The following LIFR variants were observed in gnomAD, a reference collection of about 807,000 sequenced individuals.
LIFR encodes the protein leukemia inhibitory factor receptor.
LIFR carries 84 observed loss-of-function variants against 122.2 expected under a neutral mutation model. The ratio of observed to expected loss-of-function variants is 0.69; its 90% CI spans 0.58 to 0.82. The LOEUF is 0.82. Among genes scored for constraint, LIFR ranks in the 40% least tolerant of loss-of-function variants. LIFR has a pLI of 0.00. For missense variants in LIFR, 1,294 were observed against 1,311.6 expected (o/e 0.99, Z 0.21); for synonymous variants, 422 against 434.7 (o/e 0.97, Z 0.36).
intron 5 of LIFR, among the ~76,000 whole-genome samples, chr5:38,520,277 T>G (rs1394808486): frequency 1.3e-5 from 2 of 152,212 alleles, no homozygotes; most frequent in Non-Finnish European, 2.9e-5. Context: ...TTGAGAAATG[T>G]CTATTCATGT....
At chr5:38,504,415 CAA>C (rs71604899) in intron 9 of LIFR, among the ~76,000 whole-genome samples, 3 of 120,484 alleles carry the variant, frequency 2.5e-5, no homozygotes, top group East Asian at 4.6e-4. Context: ...AGGGAATGAC[CAA>C]AAAAAAAAAA....
exon 1 of LIFR, chr5:38,608,186 G>A (rs776605077): frequency 3.3e-5 from 5 of 152,132 alleles, no homozygotes; most frequent in Non-Finnish European, 7.3e-5. Context: ...CTGGGCTTCT[G>A]TCAGCTCCAT....
intron 7 of LIFR, among the ~76,000 whole-genome samples, chr5:38,508,530 C>T (rs970987441): frequency 7.3e-5 from 11 of 151,674 alleles, no homozygotes; most frequent in African/African-American, 1.5e-4. Flanking sequence ...TGTGTGTGCA[C>T]GCAGACGTGT....
chr5:38,500,242 T>C (rs1369574870), intron 11 of LIFR, among the ~76,000 whole-genome samples: 5 of 152,164 alleles, frequency 3.3e-5, no homozygotes, highest in African/African-American at 9.7e-5. Flanking sequence ...TCCTACAAAC[T>C]CCATAGGCCG....
At chr5:38,588,795 T>C (rs1749830022) in intron 1 of LIFR, among the ~76,000 whole-genome samples, 1 of 152,150 alleles carries the variant, frequency 6.6e-6, no homozygotes, top group African/African-American at 2.4e-5. Context: ...AACTTGAGAA[T>C]TTGCCTGGAA....
chr5:38,518,224 T>A (rs556239430), intron 5 of LIFR, among the ~76,000 whole-genome samples: 2 of 152,188 alleles, frequency 1.3e-5, no homozygotes, highest in South Asian at 2.1e-4. Flanking sequence ...TAAATTAAAA[T>A]ATATATATTT....
rs966216047 is a variant in LIFR, at chr5:38,479,450, T to C, written c.*2145A>G. ...TGATATTCATCATTAACCAAACAAA[T>C]GAGTCGTTATATAGGTTAGAAAGGG... On this transcript the variant is annotated 3_prime_UTR_variant, in exon 20 of 20. Coordinates refer to ENST00000453190, the MANE Select transcript of LIFR (RefSeq NM_001127671.2). 4.3e-6 allele frequency: 1 copy of C among 230,364 alleles called. No individual in the cohort carries two copies. Among genetic ancestry groups the C allele is most frequent in the African/African-American group, 2.2e-5 (1 of 45,184 alleles). 14.3% of individuals were successfully genotyped at this position (230,364 alleles called of 1,614,324 possible). A position where few individuals can be genotyped will look rare whatever the true frequency, so the allele number is the denominator to read the frequency against.
In LIFR at chr5:38,485,915, G is replaced by C. The variant is rs769684275; in HGVS notation, c.2401C>G (p.Leu801Val). The change falls in exon 17 of 20, where the codon CTT becomes GTT. Residue 801 changes from leucine (L) to valine (V), a missense_variant. Physicochemically the swap from Leu to Val is conservative, Grantham distance 32. Coordinates refer to ENST00000453190, the MANE Select transcript of LIFR (RefSeq NM_001127671.2). ...AGGTGGTAACTTGTTTTACCTTGAA[G>C]ATCAGCAATTCTCAGTGTCTTCTGG... ...ISQKTLRIADLQGKTSYHLVL... is the reference protein window; with the variant it reads ...ISQKTLRIADVQGKTSYHLVL... 13 of 1,613,998 alleles carry C rather than the reference G, an allele frequency of 8.1e-6. No homozygotes were observed. The highest frequency in any genetic ancestry group is 1.1e-5 in the Non-Finnish European group (13 of 1,179,834).
At chr5:38,576,080 G>A (rs10461991) in intron 1 of LIFR, among the ~76,000 whole-genome samples, 45,986 of 151,960 alleles carry the variant, frequency 0.3, 7,386 homozygotes, top group East Asian at 0.4. Context: ...TACTAATGCC[G>A]TGGTTTAATC....
chr5:38,599,073 A>G (rs2112779323), upstream of LIFR, among the ~76,000 whole-genome samples: 1 of 152,326 alleles, frequency 6.6e-6, no homozygotes, highest in East Asian at 1.9e-4. Context: ...CTATGGCCAG[A>G]AAAGAGAATG....
chr5:38,595,191 G>A (rs1038897944), intron 1 of LIFR: 2 of 163,896 alleles, frequency 1.2e-5, no homozygotes, highest in Admixed American at 1.3e-4. Context: ...AATCTAAAGG[G>A]GGGACAGGTC....
At chr5:38,558,427 A>C (rs2112684587), upstream of LIFR, 1 of 152,266 alleles carries the variant, frequency 6.6e-6, no homozygotes, top group Middle Eastern at 3.4e-3. Flanking sequence ...CCTGATACAC[A>C]CCATGTGTCC....
At chr5:38,603,042 A>G (rs1750252752) in intron 2 of LIFR, among the ~76,000 whole-genome samples, 1 of 152,174 alleles carries the variant, frequency 6.6e-6, no homozygotes, top group Non-Finnish European at 1.5e-5. Flanking sequence ...TAAGGCAGGC[A>G]CTGTGCACGC....
intron 1 of LIFR, among the ~76,000 whole-genome samples, chr5:38,548,231 T>C (rs1393817357): frequency 1.3e-5 from 2 of 152,180 alleles, no homozygotes. Flanking sequence ...ATAGTAGCAA[T>C]TTTAAGCCTA....
At chr5:38,506,810 T>C (rs1247661996) in intron 7 of LIFR, among the ~76,000 whole-genome samples, 178 bp from the exon 8 acceptor site, 3 of 152,236 alleles carry the variant, frequency 2.0e-5, no homozygotes, top group Non-Finnish European at 4.4e-5. Flanking sequence ...TCAGAGTTCA[T>C]ATTACATTAG....
intron 19 of LIFR, 51 bp downstream of exon 19, chr5:38,482,538 A>T: frequency 1.0e-6 from 1 of 987,138 alleles, no homozygotes; most frequent in African/African-American, 1.6e-5. Flanking sequence ...ACAAAAGATT[A>T]AAAAAAGAAG....
At chr5:38,527,642 G>T (rs943191252) in intron 3 of LIFR, among the ~76,000 whole-genome samples, 1 of 152,028 alleles carries the variant, frequency 6.6e-6, no homozygotes, top group Non-Finnish European at 1.5e-5. Context: ...GCATCACAGC[G>T]CTCCTCATGC....
intron 19 of LIFR, 50 bp from the exon 20 acceptor site, chr5:38,482,268 G>A (rs1744035588): frequency 1.3e-6 from 2 of 1,548,128 alleles, no homozygotes; most frequent in Non-Finnish European, 1.8e-6. Flanking sequence ...AAATGCCATT[G>A]CAATGCTCCT....
chr5:38,568,461 G>A (rs1670404678), intron 1 of LIFR, among the ~76,000 whole-genome samples: 1 of 152,106 alleles, frequency 6.6e-6, no homozygotes, highest in Non-Finnish European at 1.5e-5. Flanking sequence ...AGAGGTATCT[G>A]GGGGGCCAAT....
Sources: gnomAD v4.1 joint callset for allele counts (sites outside exome capture counted in the v4.1 genomes callset) on GRCh38, gnomAD v4.1.1 for gene constraint, MANE v1.5 for transcripts, NCBI Gene and HGNC (gene_info 2026-07-23, HGNC 2026-07-21) for gene names.